PALMD: variants seen among roughly 807,000 people sequenced by gnomAD.
PALMD encodes palmdelphin.
Under a neutral mutation model 56.2 loss-of-function variants are expected in PALMD, and 42 were observed. The ratio of observed to expected loss-of-function variants is 0.75; its 90% CI spans 0.58 to 0.97. The LOEUF (loss-of-function observed/expected upper bound fraction) is 0.97. Ranked by LOEUF, PALMD falls within the 50% of genes least tolerant of loss-of-function variation. PALMD has a pLI of 0.00. For synonymous variants in PALMD, 242 were observed against 222.9 expected, an observed-to-expected ratio of 1.09 and a Z score of -0.76; for missense variants, 660 against 643.8, an observed-to-expected ratio of 1.03 and a Z score of -0.27.
rs529399617 is a variant in PALMD, at chr1:99,694,499, T to C, written c.*437T>C. The C allele has an allele frequency of 6.4e-6, 1 of 156,626 alleles. No homozygotes were observed. The highest frequency in any genetic ancestry group is 1.9e-4 in the East Asian group (1 of 5,318). The allele number at this position is 156,626 out of a possible 1,614,324, so 9.7% of individuals were successfully genotyped here. A position where few individuals can be genotyped will look rare whatever the true frequency, so the allele number is the denominator to read the frequency against. On this transcript the variant is annotated 3_prime_UTR_variant, in exon 8 of 8. Coordinates refer to ENST00000263174, the MANE Select transcript of PALMD (RefSeq NM_017734.5). The stretch of plus-strand genomic sequence containing the variant: ...TGACAAATAAATATGTCATCCTGAA[T>C]TAATAATGCCTTAATAAAAGTACAT...
At chr1:99,655,408 G>C (rs149299392) in intron 1 of PALMD, among the ~76,000 whole-genome samples, 83 of 151,864 alleles carry the variant, frequency 5.5e-4, no homozygotes, top group Middle Eastern at 6.8e-3. Context: ...AGTTTTAAAC[G>C]CTTTGTTTTT....
At position 99,688,980 on chromosome 1, in the gene PALMD, G is replaced by A. The variant is rs747853952; in HGVS notation, c.720G>A (p.Glu240=). 15 of 1,613,570 alleles carry A rather than the reference G, an allele frequency of 9.3e-6. No individual in the cohort carries two copies. Among genetic ancestry groups the A allele is most frequent in the Admixed American group, 1.7e-5 (1 of 59,942 alleles). ...ATGGCCTGGCACCAGTTGAAGTAGA[G>A]GAACTTCTAAGACAAGCCTCAGAGA... ...GTDGLAPVEV[E]ELLRQASERN... Residue 240 remains glutamate (E), a synonymous_variant, in exon 7 of 8, where the codon GAG becomes GAA. Coordinates refer to ENST00000263174, the MANE Select transcript of PALMD (RefSeq NM_017734.5).
At chr1:99,679,645 A>C (rs368139560) in intron 3 of PALMD, among the ~76,000 whole-genome samples, 1 of 152,202 alleles carries the variant, frequency 6.6e-6, no homozygotes, top group Non-Finnish European at 1.5e-5. Flanking sequence ...TTCCTTCATT[A>C]TCATAGAAAG....
At chr1:99,653,982 C>A (rs1343009928) in intron 1 of PALMD, among the ~76,000 whole-genome samples, 2 of 151,980 alleles carry the variant, frequency 1.3e-5, no homozygotes, top group Non-Finnish European at 2.9e-5. Context: ...AGTATAGAGA[C>A]CTTTGGTGCT....
Position 99,694,068 on chromosome 1 carries a change from G to A in PALMD, c.*6G>A. ...TGGGAAAAAAGGTGATCTAAGAGTT[G>A]TACCACCTATATAAACATCCTTTGA... On this transcript the variant is annotated 3_prime_UTR_variant, in exon 8 of 8. Coordinates refer to ENST00000263174, the MANE Select transcript of PALMD (RefSeq NM_017734.5). 1 of 1,572,212 alleles carries A rather than the reference G, an allele frequency of 6.4e-7. No homozygotes were observed. Among genetic ancestry groups the A allele is most frequent in the Non-Finnish European group, 8.7e-7 (1 of 1,144,362 alleles).
At chr1:99,661,686 T>C (rs1652849617) in intron 1 of PALMD, among the ~76,000 whole-genome samples, 1 of 152,196 alleles carries the variant, frequency 6.6e-6, no homozygotes, top group Admixed American at 6.5e-5. Context: ...TAGTTATGCT[T>C]TCTGGGTTGT....
intron 3 of PALMD, among the ~76,000 whole-genome samples, chr1:99,680,453 C>T (rs897800190): frequency 2.0e-5 from 3 of 152,132 alleles, no homozygotes; most frequent in African/African-American, 7.2e-5. Flanking sequence ...TGCCTGCCCA[C>T]CATCTCTCAG....
rs149961699 is a variant in PALMD at position 99,682,346 on chromosome 1, G to T, written c.252-4330G>T. On this transcript the variant is annotated intron_variant, in intron 3 of 7. Coordinates refer to ENST00000263174, the MANE Select transcript of PALMD (RefSeq NM_017734.5). ...TATCCTTTTCAACTCAGAGTTGGCT[G>T]TGACTAAGGGATAAAGAATGGGAGG... Among the ~76,000 whole-genome samples the T allele has an allele frequency of 2.3e-3, 345 of 152,266 alleles. 1 individual carries two copies. Among genetic ancestry groups the T allele is most frequent in the African/African-American group, 7.5e-3 (313 of 41,564 alleles).
intron 2 of PALMD, among the ~76,000 whole-genome samples, chr1:99,662,857 AGTATGCTTCGG>A (rs1652877099): frequency 6.6e-6 from 1 of 152,182 alleles, no homozygotes; most frequent in Non-Finnish European, 1.5e-5. Context: ...ATGTTGTTTG[AGTATGCTTCGG>A]GTTTTTGTTT....
intron 3 of PALMD, among the ~76,000 whole-genome samples, chr1:99,671,716 T>C (rs1653092726): frequency 6.6e-6 from 1 of 152,186 alleles, no homozygotes; most frequent in African/African-American, 2.4e-5. Context: ...TAGAGGTTAA[T>C]TTTTGTGGAA....
chr1:99,692,871 C>T (rs2100879294), intron 7 of PALMD, among the ~76,000 whole-genome samples: 1 of 152,356 alleles, frequency 6.6e-6, no homozygotes, highest in Non-Finnish European at 1.5e-5. Flanking sequence ...AGAGCACATT[C>T]TCTCAGTTCA....
chr1:99,656,148 C>T (rs766329474), intron 1 of PALMD, among the ~76,000 whole-genome samples: 15 of 152,158 alleles, frequency 9.9e-5, no homozygotes, highest in Non-Finnish European at 1.9e-4. Flanking sequence ...TAGTAGCTCT[C>T]TTTTCTTCTT....
At chr1:99,648,971 C>T (rs1041989350) in intron 1 of PALMD, among the ~76,000 whole-genome samples, 5 of 151,024 alleles carry the variant, frequency 3.3e-5, no homozygotes, top group Admixed American at 6.6e-5. Context: ...AAATTACTAT[C>T]GTGATGCCAT....
At chr1:99,662,504 G>T in intron 2 of PALMD, 105 bp downstream of exon 2, 1 of 715,934 alleles carries the variant, frequency 1.4e-6, no homozygotes, top group South Asian at 1.6e-5. Context: ...AAAATTTCAA[G>T]ATAGTTTGAC....
intron 3 of PALMD, among the ~76,000 whole-genome samples, chr1:99,678,261 T>G (rs1302057637): frequency 1.3e-5 from 2 of 151,962 alleles, no homozygotes; most frequent in African/African-American, 4.8e-5. Flanking sequence ...CGTGCCACCA[T>G]GCCCAGCTAA....
intron 7 of PALMD, among the ~76,000 whole-genome samples, chr1:99,692,774 TAA>T (rs1382475363): frequency 6.6e-6 from 1 of 152,190 alleles, no homozygotes; most frequent in African/African-American, 2.4e-5. Context: ...ATAAACTTCA[TAA>T]AGACTTGCCT....
In PALMD at chr1:99,667,661, A is replaced by C. The variant is rs143698526; in HGVS notation, c.146A>C (p.Lys49Thr). The C allele has an allele frequency of 6.2e-6, 10 of 1,611,832 alleles. No homozygotes were observed. Among genetic ancestry groups the C allele is most frequent in the Admixed American group, 1.7e-5 (1 of 59,966 alleles). ...QHLKKKALRE[K>T]WLLDGISSGK... The stretch of plus-strand genomic sequence containing the variant: ...CATCAGAAAAAGGCCTTGAGGGAGA[A>C]ATGGCTTCTAGATGGAATCAGCAGC... Residue 49 changes from lysine to threonine, a missense_variant, in exon 3 of 8, where the codon AAA (lysine) becomes ACA (threonine). Coordinates refer to ENST00000263174, the MANE Select transcript of PALMD (RefSeq NM_017734.5).
intron 3 of PALMD, 75 bp from the exon 4 acceptor site, chr1:99,686,601 T>C (rs1489267696): frequency 5.7e-6 from 4 of 704,610 alleles, no homozygotes; most frequent in Non-Finnish European, 9.7e-6. Context: ...AAACTTTATA[T>C]ATGGGGAAGA....
At chr1:99,658,902 T>C (rs12044123) in intron 1 of PALMD, among the ~76,000 whole-genome samples, 15,999 of 151,778 alleles carry the variant, frequency 0.11, 1,192 homozygotes, top group African/African-American at 0.18. Context: ...GCTATGATTA[T>C]GCCACTGCAC....
Sources: gnomAD v4.1 joint callset for allele counts (sites outside exome capture counted in the v4.1 genomes callset) on GRCh38, gnomAD v4.1.1 for gene constraint, MANE v1.5 for transcripts, NCBI Gene and HGNC (gene_info 2026-07-23, HGNC 2026-07-21) for gene names.